Variants in ARHGAP32 observed in about 807,000 individuals in gnomAD.
ARHGAP32 encodes Rho GTPase activating protein 32.
In ARHGAP32, 51 loss-of-function variants were observed where a neutral mutation model predicts 186.5. That is an observed-to-expected ratio of 0.27 (90% confidence interval 0.22 to 0.35). The LOEUF (loss-of-function observed/expected upper bound fraction) is 0.35. Ranked by LOEUF, ARHGAP32 falls within the 10% of genes least tolerant of loss-of-function variation. ARHGAP32 has a pLI of 1.00. For synonymous variants in ARHGAP32, 950 were observed against 964.3 expected, an observed-to-expected ratio of 0.99 and a Z score of 0.27; for missense variants, 2,186 against 2,623.5, an observed-to-expected ratio of 0.83 and a Z score of 3.64.
chr11:129,154,099 T>C (rs1442320304), intron 2 of ARHGAP32, among the ~76,000 whole-genome samples: 1 of 151,750 alleles, frequency 6.6e-6, no homozygotes, highest in Admixed American at 6.6e-5. Context: ...CAAAAGAAGA[T>C]AGACAAATGG....
Position 128,995,204 on chromosome 11 carries a change from C to T in ARHGAP32, c.1195+3115G>A, listed in dbSNP as rs181184959. Among the ~76,000 whole-genome samples, 38 of 152,038 alleles carry T rather than the reference C, an allele frequency of 2.5e-4. 1 individual carries two copies. The East Asian group carries it at 7.0e-3, about 28-fold the overall frequency. On this transcript the variant is annotated intron_variant, in intron 12 of 22. Transcript: ENST00000682385. ...TTCAGGTTCCTACACTGTATTCAAA[C>T]TTATTTTATTTATTTATTTAGAGAC...
chr11:129,056,190 G>A (rs1940246429), intron 10 of ARHGAP32, among the ~76,000 whole-genome samples: 1 of 152,218 alleles, frequency 6.6e-6, no homozygotes, highest in Non-Finnish European at 1.5e-5. Context: ...AGGTATAGGT[G>A]AGGGGAGTGG....
At chr11:129,230,375 C>T (rs9888254) in intron 1 of ARHGAP32, among the ~76,000 whole-genome samples, 18,986 of 152,038 alleles carry the variant, frequency 0.12, 1,334 homozygotes, top group Non-Finnish European at 0.15. Context: ...TGTTTTTGGA[C>T]GTGGATAAAA....
At chr11:129,042,216 T>C (rs956213803) in intron 10 of ARHGAP32, among the ~76,000 whole-genome samples, 1 of 152,186 alleles carries the variant, frequency 6.6e-6, no homozygotes, top group Non-Finnish European at 1.5e-5. Flanking sequence ...AGTGGCACAA[T>C]CTAGGCTCAC....
chr11:129,087,098 C>T (rs189128499), intron 6 of ARHGAP32, among the ~76,000 whole-genome samples: 1 of 152,254 alleles, frequency 6.6e-6, no homozygotes, highest in East Asian at 1.9e-4. Context: ...ACAACAAATG[C>T]TGGCAAGGAT....
chr11:129,249,728 T>A (rs78225555), intron 1 of ARHGAP32, among the ~76,000 whole-genome samples: 184 of 152,158 alleles, frequency 1.2e-3, no homozygotes, highest in African/African-American at 4.3e-3. Context: ...ACAAATGGAA[T>A]AACAGAAACA....
At position 128,990,251 on chromosome 11, in the gene ARHGAP32, C is replaced by A. The variant is rs987556874; in HGVS notation, c.1196-2126G>T. On this transcript the variant is annotated intron_variant, in intron 12 of 22. Transcript: ENST00000682385. ...ATACCCACAAGTAGAGGTGGCTGAG[C>A]ACTGTGTTCTATGTGCTCATAGAAA... is the stretch of plus-strand genomic sequence containing the variant. Among the ~76,000 whole-genome samples the A allele has an allele frequency of 5.1e-4, 78 of 152,164 alleles. 1 individual carries two copies. The highest frequency in any genetic ancestry group is 1.3e-4 in the Non-Finnish European group (9 of 68,024).
chr11:129,043,386 T>TC (rs1190983943), intron 10 of ARHGAP32, among the ~76,000 whole-genome samples: 3 of 143,932 alleles, frequency 2.1e-5, no homozygotes, highest in Middle Eastern at 3.5e-3. Context: ...TTTTTCTTTT[T>TC]TTTTTTTTTT....
intron 12 of ARHGAP32, among the ~76,000 whole-genome samples, chr11:128,992,514 T>A (rs1175552162): frequency 6.6e-6 from 1 of 151,950 alleles, no homozygotes; most frequent in Non-Finnish European, 1.5e-5. Context: ...CAGTGGCTCA[T>A]GCCTGCAATC....
At chr11:129,271,355 T>G (rs1047300419) in intron 1 of ARHGAP32, among the ~76,000 whole-genome samples, 2 of 151,596 alleles carry the variant, frequency 1.3e-5, no homozygotes, top group African/African-American at 4.9e-5. Flanking sequence ...TAACATGAGA[T>G]GAGGAGGAAA....
chr11:129,053,565 T>C (rs1282991950), intron 10 of ARHGAP32, among the ~76,000 whole-genome samples: 1 of 152,196 alleles, frequency 6.6e-6, no homozygotes, highest in Non-Finnish European at 1.5e-5. Context: ...CTAAAATGCA[T>C]AGGCTTCAAC....
At chr11:129,016,918 G>C (rs191575880) in intron 11 of ARHGAP32, among the ~76,000 whole-genome samples, 3 of 152,072 alleles carry the variant, frequency 2.0e-5, no homozygotes, top group Non-Finnish European at 4.4e-5. Flanking sequence ...TTTCATAAAA[G>C]TCTTACGAAC....
chr11:129,030,872 T>C (rs1457645813), intron 11 of ARHGAP32, among the ~76,000 whole-genome samples: 2 of 152,244 alleles, frequency 1.3e-5, no homozygotes, highest in African/African-American at 4.8e-5. Context: ...TGTACTTGCA[T>C]AGTGAATACT....
chr11:129,058,626 G>T lies in ARHGAP32; in HGVS notation c.963+3654C>A, dbSNP rs560908943. ...CTGAAGGAGGCCAGCCAGGTGGGCT[G>T]CATGGGGATAAGGCCCAGCGTTTCC... On this transcript the variant is annotated intron_variant, in intron 10 of 22. Transcript: ENST00000682385. Among the ~76,000 whole-genome samples, 188 of 152,340 alleles carry T rather than the reference G, an allele frequency of 1.2e-3. 4 individuals carry two copies. The highest frequency in any genetic ancestry group is 3.9e-3 in the South Asian group (19 of 4,830).
rs759639673 is a variant in ARHGAP32 at position 128,977,120 on chromosome 11, G to C, written c.2123-486C>G. 2.0e-5 allele frequency among the ~76,000 whole-genome samples: 3 copies of C among 152,270 alleles called. No homozygotes were observed. The South Asian group carries it at 6.2e-4, about 32-fold the overall frequency. On this transcript the variant is annotated intron_variant, in intron 19 of 22. Coordinates refer to ENST00000682385, the MANE Select transcript of ARHGAP32 (RefSeq NM_001378024.1). ...CCAGGAGCTTGGAAAGGCAAGGAAG[G>C]ATTTTTCCCTGGAGCCTCTGGAGCA...
chr11:128,981,999 GC>G, intron 15 of ARHGAP32, 63 bp from the exon 16 acceptor site: 1 of 1,040,402 alleles, frequency 9.6e-7, no homozygotes, highest in Non-Finnish European at 1.4e-6. Context: ...GAACATAAAA[GC>G]CTGCTAATTA....
chr11:129,153,248 T>C (rs1403569042), intron 2 of ARHGAP32, among the ~76,000 whole-genome samples: 3 of 151,370 alleles, frequency 2.0e-5, no homozygotes, highest in Admixed American at 1.3e-4. Flanking sequence ...CACAAACAAA[T>C]GGAAACACAT....
At chr11:129,120,268 G>A (rs1045824641) in intron 5 of ARHGAP32, among the ~76,000 whole-genome samples, 7 of 151,982 alleles carry the variant, frequency 4.6e-5, no homozygotes, top group East Asian at 1.9e-4. Flanking sequence ...GGCTGGCCTC[G>A]GGAACTGAAA....
intron 9 of ARHGAP32, among the ~76,000 whole-genome samples, chr11:129,062,855 A>G (rs1485441113): frequency 6.6e-6 from 1 of 152,174 alleles, no homozygotes; most frequent in Admixed American, 6.5e-5. Context: ...AGGGCCTAGG[A>G]TGGGTTATTC....
Sources: gnomAD v4.1 joint callset for allele counts (sites outside exome capture counted in the v4.1 genomes callset) on GRCh38, gnomAD v4.1.1 for gene constraint, MANE v1.5 for transcripts, NCBI Gene and HGNC (gene_info 2026-07-23, HGNC 2026-07-21) for gene names.